Variants in ANKRD52 observed in about 807,000 individuals in gnomAD.
ANKRD52 encodes the protein serine/threonine-protein phosphatase 6 regulatory ankyrin repeat subunit C.
ANKRD52 carries 7 observed loss-of-function variants against 116.0 expected under a neutral mutation model. The ratio of observed to expected loss-of-function variants is 0.06; its 90% CI spans 0.03 to 0.11. The LOEUF (loss-of-function observed/expected upper bound fraction) is 0.11, where lower values mean the gene tolerates loss of function less well. ANKRD52 is among the 10% of genes least tolerant of loss of function. ANKRD52 has a pLI of 1.00. For synonymous variants in ANKRD52, 528 were observed against 578.1 expected (o/e 0.91, Z 1.24); for missense variants, 839 against 1,408.6 (o/e 0.60, Z 6.47).
Position 56,255,702 on chromosome 12 carries a change from A to G in ANKRD52, c.462+82T>C. 7.4e-7 allele frequency: 1 copy of G among 1,351,354 alleles called. No homozygotes were observed. The highest frequency in any genetic ancestry group is 1.0e-6 in the Non-Finnish European group (1 of 983,506). 83.7% of individuals were successfully genotyped at this position (1,351,354 alleles called of 1,614,324 possible). On this transcript the variant is annotated intron_variant, in intron 5 of 27. Transcript: ENST00000267116. The surrounding 1 kb of genome is among the most constrained non-coding windows in gnomAD (Gnocchi z 4.3). Reference sequence around the variant, plus strand: ...CCGGGCTGCTTCTCCTTCAGGCTTGAGGGCCCAGAAGCAGGGAAACGTGAG... The same window carrying G: ...CCGGGCTGCTTCTCCTTCAGGCTTGGGGGCCCAGAAGCAGGGAAACGTGAG...
At position 56,244,830 on chromosome 12, in the gene ANKRD52, G is replaced by A. The variant is rs1156718488; in HGVS notation, c.2577-33C>T. 6.2e-7 allele frequency: 1 copy of A among 1,613,772 alleles called. No individual in the cohort carries two copies. The highest frequency in any genetic ancestry group is 8.5e-7 in the Non-Finnish European group (1 of 1,179,872). ...GCAGGGATCAGGGTAGATTAAAATAGGGAAGAGTATACTGCCCAAGCAGAA... is the reference window on the plus strand; with the variant it reads ...GCAGGGATCAGGGTAGATTAAAATAAGGAAGAGTATACTGCCCAAGCAGAA... On this transcript the variant is annotated intron_variant, in intron 23 of 27. Coordinates refer to ENST00000267116, the MANE Select transcript of ANKRD52 (RefSeq NM_173595.4). This position sits in a 1 kb window ranked among gnomAD's most constrained non-coding sequence, Gnocchi z 4.9.
At position 56,255,701 on chromosome 12, in the gene ANKRD52, G is replaced by A; in HGVS notation, c.462+83C>T. The stretch of plus-strand genomic sequence containing the variant: ...TCCGGGCTGCTTCTCCTTCAGGCTT[G>A]AGGGCCCAGAAGCAGGGAAACGTGA... On this transcript the variant is annotated intron_variant, in intron 5 of 27. Coordinates refer to ENST00000267116, the MANE Select transcript of ANKRD52 (RefSeq NM_173595.4). The surrounding 1 kb of genome is among the most constrained non-coding windows in gnomAD (Gnocchi z 4.3). 1 of 1,353,554 alleles carries A rather than the reference G, an allele frequency of 7.4e-7. No individual in the cohort carries two copies. 83.8% of individuals were successfully genotyped at this position (1,353,554 alleles called of 1,614,324 possible).
rs1349958281 is a variant in ANKRD52 at position 56,245,294 on chromosome 12, G to A, written c.2404+83C>T. On this transcript the variant is annotated intron_variant, in intron 21 of 27. Coordinates refer to ENST00000267116, the MANE Select transcript of ANKRD52 (RefSeq NM_173595.4). ...CCACTTCCAGATTCAGATCAACCCA[G>A]GTCCCCCCCAACAACCCACCTGTCC... The A allele has an allele frequency of 3.9e-5, 62 of 1,600,786 alleles. No homozygotes were observed. In the East Asian group the frequency reaches 1.4e-3, roughly 36 times the overall value.
chr12:56,247,797 C>T (rs777802911), intron 18 of ANKRD52, 23 bp from the exon 19 acceptor site: 14 of 1,604,174 alleles, frequency 8.7e-6, no homozygotes, highest in Non-Finnish European at 1.1e-5. Flanking sequence ...GACCCCGTGT[C>T]AGGGCAGGGC....
In ANKRD52 at chr12:56,252,713, A is replaced by G; in HGVS notation, c.1301+67T>C. ...GAGGGGGAATAGATCTGGGCAGGCAAGAATGAGGGGCCCAGACCTTTGCCC... is the reference window on the plus strand; with the variant it reads ...GAGGGGGAATAGATCTGGGCAGGCAGGAATGAGGGGCCCAGACCTTTGCCC... On this transcript the variant is annotated intron_variant, in intron 12 of 27. Transcript: ENST00000267116. This position sits in a 1 kb window ranked among gnomAD's most constrained non-coding sequence, Gnocchi z 4.7. 4 of 1,570,662 alleles carry G rather than the reference A, an allele frequency of 2.5e-6. No individual in the cohort carries two copies. The highest frequency in any genetic ancestry group is 3.5e-6 in the Non-Finnish European group (4 of 1,143,748).
At chr12:56,247,164 G>T (rs1461422446) in intron 20 of ANKRD52, among the ~76,000 whole-genome samples, 3 of 150,652 alleles carry the variant, frequency 2.0e-5, no homozygotes, top group Non-Finnish European at 4.4e-5. Context: ...GGGCAAGATG[G>T]TAAGACCCCC....
At position 56,254,770 on chromosome 12, in the gene ANKRD52, C is replaced by T. The variant is rs1241365748; in HGVS notation, c.551-50G>A. 6.2e-7 allele frequency: 1 copy of T among 1,600,010 alleles called. No homozygotes were observed. The highest frequency in any genetic ancestry group is 8.6e-7 in the Non-Finnish European group (1 of 1,168,412). The stretch of plus-strand genomic sequence containing the variant: ...AGGAAGTAGAAGGTAAACTCTAAGA[C>T]CCTACACTCCTCTCTTCAAAGGCTG... On this transcript the variant is annotated intron_variant, in intron 6 of 27. Transcript: ENST00000267116. This position sits in a 1 kb window ranked among gnomAD's most constrained non-coding sequence, Gnocchi z 4.6.
Position 56,255,998 on chromosome 12 carries a change from G to A in ANKRD52, c.262-14C>T. 1.3e-6 allele frequency: 2 copies of A among 1,550,884 alleles called. No individual in the cohort carries two copies. Among genetic ancestry groups the A allele is most frequent in the Non-Finnish European group, 1.7e-6 (2 of 1,143,808 alleles). On this transcript the variant is annotated splice_polypyrimidine_tract_variant and intron_variant, in intron 4 of 27. Coordinates refer to ENST00000267116, the MANE Select transcript of ANKRD52 (RefSeq NM_173595.4). This position sits in a 1 kb window ranked among gnomAD's most constrained non-coding sequence, Gnocchi z 4.3. ...CCCCAGCACCTTCTGTTGAGGGGCA[G>A]GGGACAAAAGAGAGAGTGGGAGCAG...
At position 56,241,442 on chromosome 12, in the gene ANKRD52, G is replaced by A. The variant is rs1340424054; in HGVS notation, c.*1700C>T. 1.3e-5 allele frequency: 2 copies of A among 151,996 alleles called. No homozygotes were observed. The highest frequency in any genetic ancestry group is 2.4e-5 in the African/African-American group (1 of 41,406). 9.4% of individuals were successfully genotyped at this position (151,996 alleles called of 1,614,324 possible). A position where few individuals can be genotyped will look rare whatever the true frequency, so the allele number is the denominator to read the frequency against. Reference sequence around the variant, plus strand: ...CTCCCCTCAGCCCACCCTTGACAAGGGTGGCAAGACATTCAGGGTATACAA... The same window carrying A: ...CTCCCCTCAGCCCACCCTTGACAAGAGTGGCAAGACATTCAGGGTATACAA... On this transcript the variant is annotated 3_prime_UTR_variant, in exon 28 of 28. Coordinates refer to ENST00000267116, the MANE Select transcript of ANKRD52 (RefSeq NM_173595.4).
Position 56,255,821 on chromosome 12 carries a change from C to G in ANKRD52, c.425G>C (p.Ser142Thr). The G allele has an allele frequency of 6.3e-7, 1 of 1,583,088 alleles. No individual in the cohort carries two copies. The highest frequency in any genetic ancestry group is 8.6e-7 in the Non-Finnish European group (1 of 1,165,056). Residue 142 changes from serine (S) to threonine (T), a missense_variant, in exon 5 of 28, where the codon AGT becomes ACT. Ser to Thr is a moderately conservative substitution (Grantham distance 58). Transcript: ENST00000267116. This position sits in a 1 kb window ranked among gnomAD's most constrained non-coding sequence, Gnocchi z 4.3. ...SLNVADRSGR[S>T]ALHHAVHSGH... ...ACTATGCACTGCATGGTGCAGAGCA[C>G]TGCGCCCGCTCCTGTCAGCCACGTT...
Position 56,244,782 on chromosome 12 carries a change from G to A in ANKRD52, c.2592C>T (p.Ala864=), listed in dbSNP as rs549444729. The A allele has an allele frequency of 2.4e-5, 38 of 1,613,784 alleles. No individual in the cohort carries two copies. The highest frequency in any genetic ancestry group is 1.7e-4 in the African/African-American group (13 of 75,048). Residue 864 remains alanine, a synonymous_variant, in exon 24 of 28, where the codon GCC becomes GCT. Transcript: ENST00000267116. The surrounding 1 kb of genome is among the most constrained non-coding windows in gnomAD (Gnocchi z 4.9). ...CAGAGACATTGTCCGCGAAGGCAGC[G>A]GCGTGAAGGGGGGTCCTGTAAGGCA... ...RDAKGRTPLH[A]AAFADNVSGL... is the part of the protein sequence containing the mutation.
At chr12:56,256,078 C>T (rs980295497) in intron 4 of ANKRD52, 94 bp from the exon 5 acceptor site, 2 of 1,242,118 alleles carry the variant, frequency 1.6e-6, no homozygotes, top group Non-Finnish European at 2.3e-6. Flanking sequence ...CATCTACAGC[C>T]CCTTCCCCAG....
Position 56,244,634 on chromosome 12 carries a change from C to T in ANKRD52, c.2722+18G>A, listed in dbSNP as rs370250195. On this transcript the variant is annotated intron_variant, in intron 24 of 27. Transcript: ENST00000267116. The surrounding 1 kb of genome is among the most constrained non-coding windows in gnomAD (Gnocchi z 4.9). ...GCCCCAGGGGAGCTCCTCCCTTCCA[C>T]AAGTGGCCCCTACACACCCACAGCA... 2.5e-6 allele frequency: 4 copies of T among 1,613,076 alleles called. No homozygotes were observed. Among genetic ancestry groups the T allele is most frequent in the Non-Finnish European group, 3.4e-6 (4 of 1,179,744 alleles).
chr12:56,253,181 G>C lies in ANKRD52; in HGVS notation c.1101-95C>G. On this transcript the variant is annotated intron_variant, in intron 10 of 27. Coordinates refer to ENST00000267116, the MANE Select transcript of ANKRD52 (RefSeq NM_173595.4). The surrounding 1 kb of genome is among the most constrained non-coding windows in gnomAD (Gnocchi z 5.5). ...CCACCACCCTAGAGTCAGGGTAGGA[G>C]GTTCTCCAAGGTGCCCTTTGGCAAG... The C allele has an allele frequency of 2.1e-6, 3 of 1,441,108 alleles. No homozygotes were observed. The highest frequency in any genetic ancestry group is 2.9e-6 in the Non-Finnish European group (3 of 1,050,394). 89.3% of individuals were successfully genotyped at this position (1,441,108 alleles called of 1,614,324 possible).
chr12:56,257,166 A>G, intron 3 of ANKRD52, 81 bp from the exon 4 acceptor site: 1 of 1,562,868 alleles, frequency 6.4e-7, no homozygotes, highest in Non-Finnish European at 8.7e-7. Context: ...AGGAAATCTG[A>G]ATGGAGCTGG....
chr12:56,244,300 T>C lies in ANKRD52; in HGVS notation c.2805+53A>G. On this transcript the variant is annotated intron_variant, in intron 25 of 27. Transcript: ENST00000267116. The surrounding 1 kb of genome is among the most constrained non-coding windows in gnomAD (Gnocchi z 4.9). ...CCCCTCTGCAACCGAGACTTACCTCTCTTCATCAAGCTCTGCCCCTTATGC... is the reference window on the plus strand; with the variant it reads ...CCCCTCTGCAACCGAGACTTACCTCCCTTCATCAAGCTCTGCCCCTTATGC... The C allele has an allele frequency of 6.3e-7, 1 of 1,593,760 alleles. No homozygotes were observed. The highest frequency in any genetic ancestry group is 8.6e-7 in the Non-Finnish European group (1 of 1,162,314).
In ANKRD52 at chr12:56,255,070, C is replaced by G; in HGVS notation, c.463-118G>C. The G allele has an allele frequency of 1.1e-6, 1 of 948,744 alleles. No homozygotes were observed. The highest frequency in any genetic ancestry group is 2.5e-5 in the East Asian group (1 of 39,680). 58.8% of individuals were successfully genotyped at this position (948,744 alleles called of 1,614,324 possible). A position where few individuals can be genotyped will look rare whatever the true frequency, so the allele number is the denominator to read the frequency against. ...GCAGCCTAATGCCTTTTTCCATGAG[C>G]AAAACAACCTGGAGGACTCGAGGGA... On this transcript the variant is annotated intron_variant, in intron 5 of 27. Coordinates refer to ENST00000267116, the MANE Select transcript of ANKRD52 (RefSeq NM_173595.4). This position sits in a 1 kb window ranked among gnomAD's most constrained non-coding sequence, Gnocchi z 4.3.
rs758729684 is a variant in ANKRD52 at position 56,245,492 on chromosome 12, G to A, written c.2289C>T (p.Ala763=). 5.6e-6 allele frequency: 9 copies of A among 1,611,734 alleles called. No individual in the cohort carries two copies. The South Asian group carries it at 8.8e-5, about 16-fold the overall frequency. ...TCCGCAGTACTGCAGTGTGGCCACA[G>A]GCTGAGGCCAGGTGAATGGGCGTGC... ...KGRTPIHLAS[A]CGHTAVLRTL... Residue 763 remains alanine, a synonymous_variant, in exon 21 of 28, where the codon GCC becomes GCT. Coordinates refer to ENST00000267116, the MANE Select transcript of ANKRD52 (RefSeq NM_173595.4).
rs1871185895 is a variant in ANKRD52, at chr12:56,241,918, G to A, written c.*1224C>T. The A allele has an allele frequency of 2.5e-6, 1 of 398,382 alleles. No individual in the cohort carries two copies. Among genetic ancestry groups the A allele is most frequent in the Admixed American group, 4.4e-5 (1 of 22,708 alleles). 24.7% of individuals were successfully genotyped at this position (398,382 alleles called of 1,614,324 possible). A position where few individuals can be genotyped will look rare whatever the true frequency, so the allele number is the denominator to read the frequency against. ...TCCCATCTTTCCTCCCTGCTGGGAA[G>A]GCAGGGACCAAGCCCCAGTACCTAT... On this transcript the variant is annotated 3_prime_UTR_variant, in exon 28 of 28. Transcript: ENST00000267116.
Sources: allele counts gnomAD v4.1 joint callset (sites outside exome capture counted in the v4.1 genomes callset), GRCh38; gene constraint gnomAD v4.1.1; non-coding constraint Gnocchi (gnomAD v3.1); transcripts MANE v1.5; gene names NCBI Gene and HGNC (gene_info 2026-07-23, HGNC 2026-07-21).